SLC44A1: variants seen among roughly 807,000 people sequenced by gnomAD.
SLC44A1 encodes the protein solute carrier family 44 member 1.
Under a neutral mutation model 79.3 loss-of-function variants are expected in SLC44A1, and 26 were observed. The observed-to-expected ratio is 0.33, with a 90% CI of 0.24 to 0.46. The LOEUF is 0.46. Ranked by LOEUF, SLC44A1 falls within the 20% of genes least tolerant of loss-of-function variation. SLC44A1 has a pLI of 1.00. For synonymous variants in SLC44A1, 263 were observed against 286.2 expected (o/e 0.92, Z 0.82); for missense variants, 688 against 798.1 (o/e 0.86, Z 1.66).
At chr9:105,245,704 G>T (rs972612552) in intron 1 of SLC44A1, among the ~76,000 whole-genome samples, 8 of 152,190 alleles carry the variant, frequency 5.3e-5, no homozygotes, top group Non-Finnish European at 8.8e-5. Context: ...TTTTCTGTGG[G>T]CACTGGCTGA....
At chr9:105,298,277 A>G (rs776652978) in intron 1 of SLC44A1, among the ~76,000 whole-genome samples, 1 of 152,166 alleles carries the variant, frequency 6.6e-6, no homozygotes, top group Non-Finnish European at 1.5e-5. Context: ...AGATCTGTCT[A>G]TAGAAACTGA....
chr9:105,283,844 C>T (rs1420604667), intron 1 of SLC44A1, among the ~76,000 whole-genome samples: 1 of 152,072 alleles, frequency 6.6e-6, no homozygotes, highest in East Asian at 1.9e-4. Context: ...CTTTATTTTT[C>T]TGTAGTTCTC....
At chr9:105,296,583 A>G (rs1830727412) in intron 1 of SLC44A1, among the ~76,000 whole-genome samples, 1 of 152,236 alleles carries the variant, frequency 6.6e-6, no homozygotes, top group South Asian at 2.1e-4. Context: ...TGTTAAGACA[A>G]ACAAATACAG....
At position 105,341,772 on chromosome 9, in the gene SLC44A1, G is replaced by A. The variant is rs146455776; in HGVS notation, c.406+6073G>A. On this transcript the variant is annotated intron_variant, in intron 4 of 15. Transcript: ENST00000374720. ...ACTTTATCCTCAATTCTGTATCTGT[G>A]TGAGTTGACACCAGCAGGTAAATTG... is the stretch of plus-strand genomic sequence containing the variant. Among the ~76,000 whole-genome samples, 1,198 of 152,290 alleles carry A rather than the reference G, an allele frequency of 7.9e-3. 16 individuals carry two copies. Among genetic ancestry groups the A allele is most frequent in the African/African-American group, 0.027 (1,135 of 41,552 alleles).
intron 4 of SLC44A1, among the ~76,000 whole-genome samples, chr9:105,339,091 T>C (rs1188608336): frequency 1.3e-5 from 2 of 152,016 alleles, no homozygotes; most frequent in Non-Finnish European, 2.9e-5. Context: ...AAAGAAAAAA[T>C]ACATAAGTTG....
intron 1 of SLC44A1, among the ~76,000 whole-genome samples, chr9:105,267,300 T>C (rs1829983801): frequency 6.6e-6 from 1 of 152,212 alleles, no homozygotes; most frequent in Non-Finnish European, 1.5e-5. Flanking sequence ...TTTTAGGATC[T>C]TCCTTATAAC....
At position 105,309,995 on chromosome 9, in the gene SLC44A1, G is replaced by A. The variant is rs936124234; in HGVS notation, c.269+129G>A. ...ATTTTTATGTGACTTCTGTTGGTGTGTTTGATTTTTTTTCACTGAACCCTT... is the reference window on the plus strand; with the variant it reads ...ATTTTTATGTGACTTCTGTTGGTGTATTTGATTTTTTTTCACTGAACCCTT... On this transcript the variant is annotated intron_variant, in intron 3 of 15. Coordinates refer to ENST00000374720, the MANE Select transcript of SLC44A1 (RefSeq NM_080546.5). 3.2e-5 allele frequency: 31 copies of A among 977,856 alleles called. No homozygotes were observed. In the Admixed American group the frequency reaches 4.5e-4, roughly 14 times the overall value. The allele number at this position is 977,856 out of a possible 1,614,324, so 60.6% of individuals were successfully genotyped here.
intron 3 of SLC44A1, among the ~76,000 whole-genome samples, chr9:105,317,620 G>T (rs187831028): frequency 6.6e-6 from 1 of 152,108 alleles, no homozygotes; most frequent in East Asian, 1.9e-4. Context: ...TACCAAGCTT[G>T]GTTCTCACTG....
At chr9:105,282,838 G>T (rs147169944) in intron 1 of SLC44A1, among the ~76,000 whole-genome samples, 1 of 152,158 alleles carries the variant, frequency 6.6e-6, no homozygotes, top group East Asian at 1.9e-4. Flanking sequence ...GAGCCACTGC[G>T]CCTGGCACGT....
At chr9:105,268,369 A>C (rs983171941) in intron 1 of SLC44A1, among the ~76,000 whole-genome samples, 2 of 152,106 alleles carry the variant, frequency 1.3e-5, no homozygotes, top group African/African-American at 4.8e-5. Context: ...TCGTAGTTCC[A>C]AATGTTTTAA....
At chr9:105,319,007 A>T (rs891426495) in intron 3 of SLC44A1, among the ~76,000 whole-genome samples, 1 of 152,172 alleles carries the variant, frequency 6.6e-6, no homozygotes, top group Admixed American at 6.5e-5. Context: ...GTCATTGTTC[A>T]TGAGCTGATA....
At chr9:105,418,090 C>T (rs527380795) in intron 15 of SLC44A1, among the ~76,000 whole-genome samples, 17 of 151,344 alleles carry the variant, frequency 1.1e-4, no homozygotes, top group Admixed American at 3.3e-4. Flanking sequence ...CCGAGGCGGG[C>T]GGATCACCTG....
chr9:105,433,625 G>A (rs947804311), intron 15 of SLC44A1, among the ~76,000 whole-genome samples: 2 of 64,746 alleles, frequency 3.1e-5, no homozygotes, highest in Admixed American at 2.1e-4. Context: ...CCACTCCCCC[G>A]CCGCCCCTGC....
Position 105,348,462 on chromosome 9 carries a change from T to A in SLC44A1, c.500+11T>A. 2 of 1,500,932 alleles carry A rather than the reference T, an allele frequency of 1.3e-6. No individual in the cohort carries two copies. The highest frequency in any genetic ancestry group is 1.9e-6 in the Non-Finnish European group (2 of 1,077,314). 93.0% of individuals were successfully genotyped at this position (1,500,932 alleles called of 1,614,324 possible). A position where few individuals can be genotyped will look rare whatever the true frequency, so the allele number is the denominator to read the frequency against. ...ACCAGTTCCAGCGAGGTAAATTTTA[T>A]TGCAAAGTTGTTAACTTGTGACTGT... On this transcript the variant is annotated intron_variant, in intron 5 of 15. Transcript: ENST00000374720.
chr9:105,391,571 G>T lies in SLC44A1; in HGVS notation c.*2515G>T. 1.0e-6 allele frequency: 1 copy of T among 985,098 alleles called. No individual in the cohort carries two copies. Among genetic ancestry groups the T allele is most frequent in the South Asian group, 4.7e-5 (1 of 21,268 alleles). The allele number at this position is 985,098 out of a possible 1,614,324, so 61.0% of individuals were successfully genotyped here. On this transcript the variant is annotated 3_prime_UTR_variant, in exon 16 of 16. Transcript: ENST00000374720. ...AATATGTGGAATATCACTCTTTCAT[G>T]AGCTTTATTCCTTGATTAATTTGAT...
rs1827885547 is a variant in SLC44A1, at chr9:105,364,618, T to C, written c.1151T>C (p.Met384Thr). Residue 384 changes from methionine to threonine, a missense_variant, in exon 10 of 16, where the codon ATG (methionine) becomes ACG (threonine). Physicochemically the swap from Met to Thr is moderately conservative, Grantham distance 81 (BLOSUM62 -1). Coordinates refer to ENST00000374720, the MANE Select transcript of SLC44A1 (RefSeq NM_080546.5). ...AAAATTTCTGGGCCTCTGCAGTACA[T>C]GTGGTGGTACCATGTGGTGGGCCTG... is the stretch of plus-strand genomic sequence containing the variant. ...EFKISGPLQY[M>T]WWYHVVGLIW... 6.2e-7 allele frequency: 1 copy of C among 1,613,970 alleles called. No homozygotes were observed. Among genetic ancestry groups the C allele is most frequent in the Non-Finnish European group, 8.5e-7 (1 of 1,179,942 alleles).
chr9:105,307,657 A>AAT (rs1485147271), intron 2 of SLC44A1, among the ~76,000 whole-genome samples: 1 of 151,934 alleles, frequency 6.6e-6, no homozygotes, highest in Non-Finnish European at 1.5e-5. Flanking sequence ...AAAAAAAAAA[A>AAT]AAATGTGTTG....
intron 3 of SLC44A1, among the ~76,000 whole-genome samples, chr9:105,330,660 T>G (rs10991628): frequency 6.6e-6 from 1 of 152,116 alleles, no homozygotes; most frequent in African/African-American, 2.4e-5. Context: ...GCATCTGTCC[T>G]CCTCGTTCAC....
intron 3 of SLC44A1, among the ~76,000 whole-genome samples, chr9:105,334,678 T>C (rs1826856255): frequency 6.6e-6 from 1 of 152,242 alleles, no homozygotes; most frequent in East Asian, 1.9e-4. Flanking sequence ...CAATTGAGAA[T>C]GTTTAGCCCT....
Sources: gnomAD v4.1 joint callset for allele counts (sites outside exome capture counted in the v4.1 genomes callset) on GRCh38, gnomAD v4.1.1 for gene constraint, MANE v1.5 for transcripts, NCBI Gene and HGNC (gene_info 2026-07-23, HGNC 2026-07-21) for gene names.